RELN: variants seen among roughly 807,000 people sequenced by gnomAD.
RELN encodes the protein reelin.
RELN carries 108 observed loss-of-function variants against 427.6 expected under a neutral mutation model. That is an observed-to-expected ratio of 0.25 (90% CI 0.22 to 0.30). RELN has a LOEUF of 0.30. Among genes scored for constraint, RELN ranks in the 10% least tolerant of loss-of-function variants. The pLI is 1.00. For synonymous variants in RELN, 1,524 were observed against 1,513.4 expected, an observed-to-expected ratio of 1.01 and a Z score of -0.16; for missense variants, 3,715 against 4,302.8, an observed-to-expected ratio of 0.86 and a Z score of 3.82.
At position 103,652,629 on chromosome 7, in the gene RELN, G is replaced by C. The variant is rs1562941003; in HGVS notation, c.1685C>G (p.Pro562Arg). 2 of 1,612,912 alleles carry C rather than the reference G, an allele frequency of 1.2e-6. No individual in the cohort carries two copies. Among genetic ancestry groups the C allele is most frequent in the Non-Finnish European group, 1.7e-6 (2 of 1,179,292 alleles). ...VWAVDFFHVL[P>R]VLPSTMSHMI... The stretch of plus-strand genomic sequence containing the variant: ...GTGAGACATTGTAGAAGGGAGAACA[G>C]GCAAGACATGGAAAAAGTCTACAGC... The change falls in exon 14 of 65, where the codon CCT (proline) becomes CGT (arginine). Residue 562 changes from proline to arginine, a missense_variant. Coordinates refer to ENST00000428762, the MANE Select transcript of RELN (RefSeq NM_005045.4).
Position 103,661,363 on chromosome 7 carries a change from A to C in RELN, c.1441+13T>G. 3 of 1,613,706 alleles carry C rather than the reference A, an allele frequency of 1.9e-6. No homozygotes were observed. Among genetic ancestry groups the C allele is most frequent in the Non-Finnish European group, 2.5e-6 (3 of 1,179,718 alleles). ...TGCCCCACGGTGAACAAAGTTTGTG[A>C]AAATGTACTTACCCATCACAAAGTA... On this transcript the variant is annotated intron_variant, in intron 12 of 64. Transcript: ENST00000428762.
rs563179165 is a variant in RELN at position 103,636,635 on chromosome 7, C to T, written c.2070-167G>A. Among the ~76,000 whole-genome samples, 26 of 152,214 alleles carry T rather than the reference C, an allele frequency of 1.7e-4. 1 individual carries two copies. The South Asian group carries it at 4.8e-3, about 28-fold the overall frequency. Reference sequence around the variant, plus strand: ...ATCTAAAGACTTGATAAGGGCTAATCGACTGTAAATATTCCAGACAAATAC... The same window carrying T: ...ATCTAAAGACTTGATAAGGGCTAATTGACTGTAAATATTCCAGACAAATAC... On this transcript the variant is annotated intron_variant, in intron 17 of 64. Transcript: ENST00000428762.
chr7:103,596,678 AAAATC>A lies in RELN; in HGVS notation c.3334-22_3334-18del. On this transcript the variant is annotated intron_variant, in intron 24 of 64. Transcript: ENST00000428762. Reference sequence around the variant, plus strand: ...TTTCCCAGCCTTTCAGAAAAGAAGAAAAATCAAATTCAGTAATCTGGGAGTTCTTT... The same window carrying A: ...TTTCCCAGCCTTTCAGAAAAGAAGAAAAATTCAGTAATCTGGGAGTTCTTT... 1.2e-6 allele frequency: 2 copies of A among 1,610,716 alleles called. No individual in the cohort carries two copies. Among genetic ancestry groups the A allele is most frequent in the Non-Finnish European group, 1.7e-6 (2 of 1,177,044 alleles).
intron 8 of RELN, among the ~76,000 whole-genome samples, chr7:103,711,979 G>A (rs2115851639): frequency 6.6e-6 from 1 of 152,170 alleles, no homozygotes; most frequent in East Asian, 1.9e-4. Flanking sequence ...TTTTGACTGT[G>A]TTGTCAAAAT....
chr7:103,847,159 G>T (rs963419621), intron 2 of RELN, among the ~76,000 whole-genome samples: 2 of 152,126 alleles, frequency 1.3e-5, no homozygotes, highest in East Asian at 1.9e-4. Flanking sequence ...GCAAAGCCTC[G>T]GAACCAACCC....
intron 4 of RELN, among the ~76,000 whole-genome samples, chr7:103,769,018 TCA>T (rs1791496522): frequency 6.6e-6 from 1 of 152,150 alleles, no homozygotes; most frequent in Admixed American, 6.5e-5. Flanking sequence ...AATTAAACAT[TCA>T]CAATTTTACC....
At chr7:103,839,078 T>C (rs1011155014) in intron 2 of RELN, among the ~76,000 whole-genome samples, 5 of 152,206 alleles carry the variant, frequency 3.3e-5, no homozygotes, top group Admixed American at 2.0e-4. Context: ...ATTAGAAATG[T>C]GCCTTAGTAA....
Position 103,551,936 on chromosome 7 carries a change from TGG to T in RELN, c.6073-642_6073-641del, listed in dbSNP as rs1300114782. Reference sequence around the variant, plus strand: ...CATAGTTACCTTCTGTGTGTGTGTGTGGGTGTGTGTGTGTGTGTGTGTGGTAA... The same window carrying T: ...CATAGTTACCTTCTGTGTGTGTGTGTGTGTGTGTGTGTGTGTGTGTGGTAA... On this transcript the variant is annotated intron_variant, in intron 40 of 64. Coordinates refer to ENST00000428762, the MANE Select transcript of RELN (RefSeq NM_005045.4). Among the ~76,000 whole-genome samples, 291 of 141,134 alleles carry T rather than the reference TGG, an allele frequency of 2.1e-3. No individual in the cohort carries two copies. In the South Asian group the frequency reaches 0.026, roughly 13 times the overall value. The allele number at this position is 141,134 out of a possible 152,430, so 92.6% of individuals were successfully genotyped here. A position where few individuals can be genotyped will look rare whatever the true frequency, so the allele number is the denominator to read the frequency against.
At chr7:103,674,756 C>T (rs1002985706) in intron 11 of RELN, among the ~76,000 whole-genome samples, 5 of 152,126 alleles carry the variant, frequency 3.3e-5, no homozygotes, top group South Asian at 2.1e-4. Context: ...AAATGTAATC[C>T]GTCATATAAA....
chr7:103,544,491 C>T (rs1179399367), intron 42 of RELN, among the ~76,000 whole-genome samples: 2 of 152,000 alleles, frequency 1.3e-5, no homozygotes, highest in Admixed American at 6.6e-5. Flanking sequence ...TCCCAAGGTG[C>T]TGGGATTACA....
At chr7:103,501,863 C>A (rs1454645914) in intron 52 of RELN, among the ~76,000 whole-genome samples, 1 of 152,154 alleles carries the variant, frequency 6.6e-6, no homozygotes, top group East Asian at 1.9e-4. Flanking sequence ...CAGTGGGATG[C>A]AAGGTGGCGC....
intron 2 of RELN, among the ~76,000 whole-genome samples, chr7:103,874,896 C>T (rs1232286113): frequency 6.8e-6 from 1 of 146,572 alleles, no homozygotes; most frequent in Admixed American, 6.8e-5. Context: ...GCCTGCATTG[C>T]CAAGTCAATC....
At chr7:103,955,102 C>A (rs1478559505) in intron 1 of RELN, among the ~76,000 whole-genome samples, 1 of 152,140 alleles carries the variant, frequency 6.6e-6, no homozygotes, top group African/African-American at 2.4e-5. Flanking sequence ...CAGAAATGAA[C>A]TACTTATATT....
intron 6 of RELN, 127 bp from the exon 7 acceptor site, chr7:103,728,334 G>A: frequency 2.3e-6 from 2 of 870,968 alleles, no homozygotes; most frequent in Non-Finnish European, 3.7e-6. Context: ...GAAAGTAGGA[G>A]TATTTTGCAT....
intron 3 of RELN, among the ~76,000 whole-genome samples, chr7:103,817,539 A>C (rs183277250): frequency 1.0e-3 from 154 of 152,368 alleles, no homozygotes; most frequent in African/African-American, 3.5e-3. Flanking sequence ...AATCATGCTC[A>C]CATTTGTGTT....
chr7:103,579,019 T>C (rs1407614886), intron 28 of RELN, among the ~76,000 whole-genome samples: 3 of 152,186 alleles, frequency 2.0e-5, no homozygotes, highest in East Asian at 1.9e-4. Flanking sequence ...TCAGTTAACA[T>C]CTAGAAAGCA....
chr7:103,574,817 A>G (rs1830961647), intron 29 of RELN, among the ~76,000 whole-genome samples: 1 of 152,202 alleles, frequency 6.6e-6, no homozygotes, highest in Non-Finnish European at 1.5e-5. Context: ...TCCAGGAAAA[A>G]TAATAAAAAA....
chr7:103,577,692 C>T (rs751110579), intron 28 of RELN, among the ~76,000 whole-genome samples: 12 of 152,076 alleles, frequency 7.9e-5, no homozygotes, highest in Non-Finnish European at 1.8e-4. Flanking sequence ...TTAATGTACA[C>T]CAGCATTTGT....
intron 9 of RELN, among the ~76,000 whole-genome samples, chr7:103,700,007 T>G (rs887424317): frequency 6.6e-6 from 1 of 152,062 alleles, no homozygotes; most frequent in African/African-American, 2.4e-5. Flanking sequence ...AATATTATAC[T>G]GACAGCCTAA....
Sources: allele counts gnomAD v4.1 joint callset (sites outside exome capture counted in the v4.1 genomes callset), GRCh38; gene constraint gnomAD v4.1.1; transcripts MANE v1.5; gene names NCBI Gene and HGNC (gene_info 2026-07-23, HGNC 2026-07-21).